The following PDK1 variants were observed in gnomAD, a reference collection of about 807,000 sequenced individuals.
The protein encoded by PDK1 is [Pyruvate dehydrogenase (acetyl-transferring)] kinase isozyme 1, mitochondrial.
A neutral mutation model predicts 54.2 loss-of-function variants in PDK1; 39 were observed. The observed-to-expected ratio is 0.72, with a 90% confidence interval of 0.56 to 0.94. The LOEUF (loss-of-function observed/expected upper bound fraction) is 0.94, where lower values mean the gene tolerates loss of function less well. Ranked by LOEUF, PDK1 falls within the 40% of genes least tolerant of loss-of-function variation. The pLI, the probability that PDK1 is intolerant of heterozygous loss-of-function variation, is 0.00. For missense variants in PDK1, 552 were observed against 566.0 expected, an observed-to-expected ratio of 0.98 and a Z score of 0.25; for synonymous variants, 221 against 207.1, an observed-to-expected ratio of 1.07 and a Z score of -0.58.
the PDK1 span, among the ~76,000 whole-genome samples, chr2:172,637,499 C>A: frequency 6.6e-6 from 1 of 152,208 alleles, no homozygotes; most frequent in South Asian, 2.1e-4. Context: ...CTACAGAATT[C>A]TTTATCATCC....
chr2:172,587,108 A>T (rs1690274038), intron 9 of PDK1, among the ~76,000 whole-genome samples: 1 of 152,136 alleles, frequency 6.6e-6, no homozygotes, highest in African/African-American at 2.4e-5. Context: ...ACCCCTTCCT[A>T]GGAAGTTACT....
chr2:172,594,674 A>G (rs1690794351), intron 10 of PDK1, among the ~76,000 whole-genome samples: 1 of 152,222 alleles, frequency 6.6e-6, no homozygotes, highest in South Asian at 2.1e-4. Context: ...AATAGAAGAT[A>G]AGAAGTCTTA....
chr2:172,718,336 T>C, the PDK1 span, among the ~76,000 whole-genome samples: 2 of 152,120 alleles, frequency 1.3e-5, no homozygotes, highest in African/African-American at 4.8e-5. Context: ...TCCAAAATTA[T>C]GAAAGGAAGG....
At chr2:172,683,684 T>C in the PDK1 span, among the ~76,000 whole-genome samples, 1 of 152,202 alleles carries the variant, frequency 6.6e-6, no homozygotes, top group Non-Finnish European at 1.5e-5. Context: ...TGGAATTAGA[T>C]TGGGACTACT....
the PDK1 span, among the ~76,000 whole-genome samples, chr2:172,620,950 A>G: frequency 4.3e-5 from 6 of 138,314 alleles, no homozygotes; most frequent in African/African-American, 1.4e-4. Context: ...GGCCTAATAC[A>G]GGCTCAAAGG....
the PDK1 span, among the ~76,000 whole-genome samples, chr2:172,708,314 A>G: frequency 6.6e-6 from 1 of 152,038 alleles, no homozygotes; most frequent in Admixed American, 6.6e-5. Context: ...GGATTTAGTG[A>G]TAGATAATTA....
the PDK1 span, among the ~76,000 whole-genome samples, chr2:172,629,623 A>T: frequency 7.2e-5 from 11 of 152,248 alleles, no homozygotes; most frequent in African/African-American, 2.4e-4. Context: ...GTGTGACCTG[A>T]TTCTTCCTGG....
intron 8 of PDK1, among the ~76,000 whole-genome samples, chr2:172,580,709 C>A (rs1012972291): frequency 6.6e-6 from 1 of 152,174 alleles, no homozygotes; most frequent in Non-Finnish European, 1.5e-5. Flanking sequence ...ACCCAAATAT[C>A]TATCAGCTAA....
the PDK1 span, among the ~76,000 whole-genome samples, chr2:172,699,616 AG>A: frequency 6.6e-6 from 1 of 151,836 alleles, no homozygotes; most frequent in Non-Finnish European, 1.5e-5. Flanking sequence ...CAGTCTTTTC[AG>A]GTTTCTTTTC....
chr2:172,583,281 G>GTTTCTTTTTTTTT (rs1690012473), intron 8 of PDK1, among the ~76,000 whole-genome samples: 1 of 77,058 alleles, frequency 1.3e-5, no homozygotes, highest in African/African-American at 5.4e-5. Flanking sequence ...AAGTTTTCTG[G>GTTTCTTTTTTTTT]TTTTTTTTTT....
chr2:172,642,431 A>G, the PDK1 span, among the ~76,000 whole-genome samples: 1 of 152,282 alleles, frequency 6.6e-6, no homozygotes, highest in South Asian at 2.1e-4. Flanking sequence ...ACCCTAAGGC[A>G]GAGGTTTTCA....
chr2:172,643,070 CAG>C, the PDK1 span, among the ~76,000 whole-genome samples: 1 of 152,232 alleles, frequency 6.6e-6, no homozygotes, highest in Admixed American at 6.5e-5. Context: ...AGGTAGCACT[CAG>C]TAACTCTGAT....
At chr2:172,640,669 T>C in the PDK1 span, among the ~76,000 whole-genome samples, 1 of 152,112 alleles carries the variant, frequency 6.6e-6, no homozygotes, top group Admixed American at 6.6e-5. Flanking sequence ...AATGAGGCAA[T>C]AGTCTTTTAC....
chr2:172,609,106 A>C (rs1296883857), downstream of PDK1, among the ~76,000 whole-genome samples: 1 of 152,214 alleles, frequency 6.6e-6, no homozygotes, highest in Non-Finnish European at 1.5e-5. Flanking sequence ...TAGCACCCTA[A>C]ATGCACTTTT....
intron 9 of PDK1, among the ~76,000 whole-genome samples, chr2:172,591,312 G>C (rs567445801): frequency 2.6e-5 from 4 of 152,216 alleles, no homozygotes; most frequent in Non-Finnish European, 4.4e-5. Context: ...GTCTGATTTC[G>C]GAAGACTTTT....
chr2:172,556,193 C>A lies in PDK1; in HGVS notation c.43C>A (p.Pro15Thr). The A allele has an allele frequency of 7.0e-7, 1 of 1,419,966 alleles. No individual in the cohort carries two copies. Among genetic ancestry groups the A allele is most frequent in the Admixed American group, 3.2e-5 (1 of 31,412 alleles). 88.0% of individuals were successfully genotyped at this position (1,419,966 alleles called of 1,614,324 possible). Residue 15 changes from proline to threonine, a missense_variant, in exon 1 of 11, where the codon CCG (proline) becomes ACG (threonine). Transcript: ENST00000282077. ...RLLRGAALAG[P>T]GPGLRAAGFS... Reference sequence around the variant, plus strand: ...GCTTCGCGGAGCCGCCTTGGCCGGCCCGGGCCCGGGGCTGCGCGCCGCCGG... The same window carrying A: ...GCTTCGCGGAGCCGCCTTGGCCGGCACGGGCCCGGGGCTGCGCGCCGCCGG...
chr2:172,564,482 T>C (rs929482472), intron 3 of PDK1, 21 bp from the exon 4 acceptor site: 5 of 1,592,408 alleles, frequency 3.1e-6, no homozygotes, highest in Non-Finnish European at 4.3e-6. Context: ...TTTGGCTGTT[T>C]TGACAGATGG....
At chr2:172,565,830 A>G (rs1688909904) in intron 5 of PDK1, among the ~76,000 whole-genome samples, 2 of 152,220 alleles carry the variant, frequency 1.3e-5, no homozygotes, top group South Asian at 4.1e-4. Context: ...TGTTCAGTAC[A>G]TCTGGATATG....
At chr2:172,689,252 A>G in the PDK1 span, among the ~76,000 whole-genome samples, 1 of 152,306 alleles carries the variant, frequency 6.6e-6, no homozygotes, top group South Asian at 2.1e-4. Flanking sequence ...ATTTTTACAG[A>G]GCACTGATTG....
Sources: gnomAD v4.1 joint callset for allele counts (sites outside exome capture counted in the v4.1 genomes callset) on GRCh38, gnomAD v4.1.1 for gene constraint, MANE v1.5 for transcripts, NCBI Gene and HGNC (gene_info 2026-07-23, HGNC 2026-07-21) for gene names.